Variants in SLC13A3 observed in about 807,000 individuals in gnomAD.
SLC13A3 encodes the protein Na(+)/dicarboxylate cotransporter 3.
SLC13A3 carries 40 observed loss-of-function variants against 59.0 expected under a neutral mutation model. The ratio of observed to expected loss-of-function variants is 0.68; its 90% CI spans 0.53 to 0.88. The LOEUF is 0.88. SLC13A3 is among the 40% of genes least tolerant of loss of function. The pLI, the probability that SLC13A3 is intolerant of heterozygous loss-of-function variation, is 0.00. For missense variants in SLC13A3, 699 were observed against 783.2 expected, an observed-to-expected ratio of 0.89 and a Z score of 1.28; for synonymous variants, 317 against 330.3, an observed-to-expected ratio of 0.96 and a Z score of 0.44.
At chr20:46,637,226 G>A (rs949811123) in intron 1 of SLC13A3, among the ~76,000 whole-genome samples, 1 of 152,216 alleles carries the variant, frequency 6.6e-6, no homozygotes, top group Admixed American at 6.5e-5. Context: ...CTGGTCCTGG[G>A]GGAAGCCGGC....
chr20:46,604,893 C>T (rs1006653499), intron 3 of SLC13A3, among the ~76,000 whole-genome samples: 7 of 152,214 alleles, frequency 4.6e-5, no homozygotes, highest in African/African-American at 1.7e-4. Flanking sequence ...AGAACTCTGA[C>T]TTGGTGACCC....
intron 1 of SLC13A3, among the ~76,000 whole-genome samples, chr20:46,617,626 G>GTA (rs1488015263): frequency 6.6e-6 from 1 of 152,014 alleles, no homozygotes; most frequent in Non-Finnish European, 1.5e-5. Context: ...GTGTGTGTGT[G>GTA]TGTATTAAGG....
chr20:46,627,759 C>T (rs930662669), intron 1 of SLC13A3, among the ~76,000 whole-genome samples: 2 of 152,104 alleles, frequency 1.3e-5, no homozygotes, highest in African/African-American at 2.4e-5. Context: ...TGTATATGTG[C>T]CCACACATAC....
At chr20:46,640,205 A>G (rs2122850875) in intron 1 of SLC13A3, among the ~76,000 whole-genome samples, 1 of 152,316 alleles carries the variant, frequency 6.6e-6, no homozygotes, top group South Asian at 2.1e-4. Flanking sequence ...AGCTGAGGTC[A>G]CTTCCTACAG....
At position 46,558,602 on chromosome 20, in the gene SLC13A3, A is replaced by T. The variant is rs8149; in HGVS notation, c.*1420T>A. On this transcript the variant is annotated 3_prime_UTR_variant, in exon 13 of 13. Transcript: ENST00000279027. ...AACTGTGATTCAACACTGAGTGCTC[A>T]CTTGGAAAGGAGGTGGAGCTCAACT... is the stretch of plus-strand genomic sequence containing the variant. 6.6e-6 allele frequency: 1 copy of T among 152,054 alleles called. No homozygotes were observed. The highest frequency in any genetic ancestry group is 2.4e-5 in the African/African-American group (1 of 41,390). 9.4% of individuals were successfully genotyped at this position (152,054 alleles called of 1,614,324 possible). A position where few individuals can be genotyped will look rare whatever the true frequency, so the allele number is the denominator to read the frequency against.
upstream of SLC13A3, among the ~76,000 whole-genome samples, chr20:46,675,046 G>T (rs2063116367): frequency 6.6e-6 from 1 of 152,088 alleles, no homozygotes; most frequent in Non-Finnish European, 1.5e-5. Flanking sequence ...AGTGTTTCAG[G>T]GAAAGGGAAC....
In SLC13A3 at chr20:46,596,436, G is replaced by A; in HGVS notation, c.609-94C>T. On this transcript the variant is annotated intron_variant, in intron 4 of 12. Coordinates refer to ENST00000279027, the MANE Select transcript of SLC13A3 (RefSeq NM_022829.6). ...GGGGAGCTAAGTGATCTTTCTAGAAGGTAATTTGGCACAGGTATCAAAAAC... is the reference window on the plus strand; with the variant it reads ...GGGGAGCTAAGTGATCTTTCTAGAAAGTAATTTGGCACAGGTATCAAAAAC... 3 of 1,167,540 alleles carry A rather than the reference G, an allele frequency of 2.6e-6. No homozygotes were observed. The South Asian group carries it at 4.3e-5, about 17-fold the overall frequency. The allele number at this position is 1,167,540 out of a possible 1,614,324, so 72.3% of individuals were successfully genotyped here. A position where few individuals can be genotyped will look rare whatever the true frequency, so the allele number is the denominator to read the frequency against.
In SLC13A3 at chr20:46,614,350, C is replaced by T. The variant is rs1009976025; in HGVS notation, c.112-625G>A. Among the ~76,000 whole-genome samples, 23 of 152,204 alleles carry T rather than the reference C, an allele frequency of 1.5e-4. 1 individual carries two copies. Among genetic ancestry groups the T allele is most frequent in the Non-Finnish European group, 1.0e-4 (7 of 68,036 alleles). On this transcript the variant is annotated intron_variant, in intron 1 of 12. Transcript: ENST00000279027. ...GGAGCATTTATCTGCCAACTCCTGG[C>T]CATCATTGGTTGAGGGCTGATACTG...
rs115788492 is a variant in SLC13A3, at chr20:46,665,619, G to A, written c.-31+4424C>T. On this transcript the variant is annotated intron_variant, in intron 1 of 12. Transcript: ENST00000290317. ...CTGAATAATATTTCATTGTATGGGTGTATCCTACTTTATTATTCAATCATC... is the reference window on the plus strand; with the variant it reads ...CTGAATAATATTTCATTGTATGGGTATATCCTACTTTATTATTCAATCATC... Among the ~76,000 whole-genome samples, 972 of 152,302 alleles carry A rather than the reference G, an allele frequency of 6.4e-3. 7 individuals are homozygous for A. Among genetic ancestry groups the A allele is most frequent in the African/African-American group, 0.021 (881 of 41,560 alleles).
intron 11 of SLC13A3, among the ~76,000 whole-genome samples, chr20:46,565,605 T>C (rs898362367): frequency 6.6e-6 from 1 of 152,148 alleles, no homozygotes. Flanking sequence ...ATTACAGGCA[T>C]GAGTGGCAGA....
At chr20:46,653,106 G>GT (rs2062963700), upstream of SLC13A3, among the ~76,000 whole-genome samples, 2 of 151,926 alleles carry the variant, frequency 1.3e-5, no homozygotes, top group African/African-American at 2.4e-5. Context: ...GTATTATTTG[G>GT]TTTTTTACAG....
intron 1 of SLC13A3, among the ~76,000 whole-genome samples, chr20:46,658,497 G>A (rs1363476941): frequency 6.6e-6 from 1 of 152,080 alleles, no homozygotes; most frequent in Non-Finnish European, 1.5e-5. Flanking sequence ...ATTATATATA[G>A]TTATACCTCA....
chr20:46,564,426 C>T (rs2061962350), intron 11 of SLC13A3, among the ~76,000 whole-genome samples: 1 of 152,206 alleles, frequency 6.6e-6, no homozygotes, highest in Non-Finnish European at 1.5e-5. Flanking sequence ...TCTCAAAAAG[C>T]TCTAAAATCA....
chr20:46,632,919 C>CCACCCA (rs1188975212), intron 1 of SLC13A3, among the ~76,000 whole-genome samples: 143 of 6,940 alleles, frequency 0.021, 1 homozygote, highest in East Asian at 0.085. Flanking sequence ...ATATATCTAT[C>CCACCCA]TATCTATCTA....
Position 46,560,016 on chromosome 20 carries a change from G to A in SLC13A3, c.*6C>T, listed in dbSNP as rs1274637182. The A allele has an allele frequency of 3.1e-6, 5 of 1,613,596 alleles. No homozygotes were observed. Among genetic ancestry groups the A allele is most frequent in the South Asian group, 1.1e-5 (1 of 91,042 alleles). Reference sequence around the variant, plus strand: ...GTTCAGCCTCAAGGGAGTCCTCCAGGGGGACTCAGAGGGTCCGAAATGTGT... The same window carrying A: ...GTTCAGCCTCAAGGGAGTCCTCCAGAGGGACTCAGAGGGTCCGAAATGTGT... On this transcript the variant is annotated 3_prime_UTR_variant, in exon 13 of 13. Coordinates refer to ENST00000279027, the MANE Select transcript of SLC13A3 (RefSeq NM_022829.6).
At chr20:46,666,168 AAC>A (rs1380072819) in intron 1 of SLC13A3, among the ~76,000 whole-genome samples, 6 of 152,238 alleles carry the variant, frequency 3.9e-5, no homozygotes, top group African/African-American at 1.2e-4. Context: ...CTAGTGAGGA[AAC>A]ACAGATAATT....
At chr20:46,653,009 G>A (rs151203908), upstream of SLC13A3, among the ~76,000 whole-genome samples, 1 of 152,264 alleles carries the variant, frequency 6.6e-6, no homozygotes, top group East Asian at 1.9e-4. Flanking sequence ...GGCTAGTGAT[G>A]TTTAACATCT....
chr20:46,651,021 C>A (rs567922130), intron 1 of SLC13A3, among the ~76,000 whole-genome samples: 13 of 152,284 alleles, frequency 8.5e-5, no homozygotes, highest in Non-Finnish European at 1.3e-4. Flanking sequence ...TCACTGCACT[C>A]CAGCCTGGGT....
At chr20:46,567,557 T>C (rs2061991467) in intron 10 of SLC13A3, among the ~76,000 whole-genome samples, 1 of 152,116 alleles carries the variant, frequency 6.6e-6, no homozygotes, top group African/African-American at 2.4e-5. Flanking sequence ...GTCTGTCACC[T>C]TGTCTGTAAA....
Sources: gnomAD v4.1 joint callset for allele counts (sites outside exome capture counted in the v4.1 genomes callset) on GRCh38, gnomAD v4.1.1 for gene constraint, MANE v1.5 for transcripts, NCBI Gene and HGNC (gene_info 2026-07-23, HGNC 2026-07-21) for gene names.